The following PKIB variants were observed in gnomAD, a reference collection of about 807,000 sequenced individuals.
PKIB encodes the protein cAMP-dependent protein kinase inhibitor beta, also known as PKI-beta.
PKIB carries 2 observed loss-of-function variants against 4.5 expected under a neutral mutation model. The ratio of observed to expected loss-of-function variants is 0.44; its 90% CI spans 0.18 to 1.39. The LOEUF (loss-of-function observed/expected upper bound fraction) is 1.39. Among genes scored for constraint, PKIB ranks in the 40% most tolerant of loss-of-function variants. The pLI is 0.27. For missense variants in PKIB, 94 were observed against 92.6 expected (o/e 1.02, Z -0.06); for synonymous variants, 38 against 36.0 (o/e 1.06, Z -0.20).
chr6:122,636,513 A>G (rs1775923709), intron 2 of PKIB, among the ~76,000 whole-genome samples: 1 of 152,090 alleles, frequency 6.6e-6, no homozygotes, highest in Non-Finnish European at 1.5e-5. Flanking sequence ...AATAACATCT[A>G]TTGAGAAACA....
At chr6:122,689,209 A>T (rs1011226817) in intron 3 of PKIB, among the ~76,000 whole-genome samples, 4 of 152,018 alleles carry the variant, frequency 2.6e-5, no homozygotes, top group African/African-American at 9.7e-5. Context: ...TTTTTCTAAA[A>T]ACCGAATTTT....
At chr6:122,700,641 C>T (rs1469839961) in intron 3 of PKIB, among the ~76,000 whole-genome samples, 1 of 152,216 alleles carries the variant, frequency 6.6e-6, no homozygotes, top group Non-Finnish European at 1.5e-5. Flanking sequence ...CACTGCCCTA[C>T]CGTTTCTGTC....
At chr6:122,477,346 T>G (rs552283929) in intron 1 of PKIB, among the ~76,000 whole-genome samples, 1 of 152,314 alleles carries the variant, frequency 6.6e-6, no homozygotes, top group Admixed American at 6.5e-5. Context: ...TTTAGATATT[T>G]CAGATAAAGT....
intron 3 of PKIB, among the ~76,000 whole-genome samples, chr6:122,598,575 A>T (rs1774248047): frequency 6.6e-6 from 1 of 152,170 alleles, no homozygotes; most frequent in Non-Finnish European, 1.5e-5. Flanking sequence ...TGCTGCCCTC[A>T]CAAATTTATT....
At chr6:122,502,806 G>GT (rs762663865) in intron 2 of PKIB, among the ~76,000 whole-genome samples, 16 of 151,794 alleles carry the variant, frequency 1.1e-4, no homozygotes, top group East Asian at 1.9e-4. Context: ...TGTAGATCCT[G>GT]TTTTTTTTCT....
intron 2 of PKIB, among the ~76,000 whole-genome samples, chr6:122,571,925 C>T (rs568278422): frequency 1.3e-5 from 2 of 152,136 alleles, no homozygotes; most frequent in Non-Finnish European, 2.9e-5. Flanking sequence ...AAATGCTTCA[C>T]TTGAAAAGGT....
chr6:122,594,777 A>C (rs2566818), intron 3 of PKIB, among the ~76,000 whole-genome samples: 58,574 of 151,946 alleles, frequency 0.39, 11,821 homozygotes, highest in South Asian at 0.58. Context: ...GGGCTGTTGT[A>C]GTTTCCCATT....
At chr6:122,611,240 G>A (rs1774741040) in intron 1 of PKIB, among the ~76,000 whole-genome samples, 1 of 152,196 alleles carries the variant, frequency 6.6e-6, no homozygotes, top group African/African-American at 2.4e-5. Flanking sequence ...TCCTGAAGGT[G>A]CATTTCGGAG....
At chr6:122,514,385 A>G (rs1353097899) in intron 2 of PKIB, among the ~76,000 whole-genome samples, 3 of 152,186 alleles carry the variant, frequency 2.0e-5, no homozygotes, top group Non-Finnish European at 4.4e-5. Context: ...CAAATTCTCT[A>G]TGGTGGTACA....
chr6:122,550,651 C>G (rs781757325), intron 2 of PKIB, among the ~76,000 whole-genome samples: 31 of 152,134 alleles, frequency 2.0e-4, no homozygotes, highest in Admixed American at 5.2e-4. Context: ...CATCCCTTTT[C>G]TATTTGAATG....
intron 2 of PKIB, among the ~76,000 whole-genome samples, chr6:122,671,651 A>C (rs1180468485): frequency 6.6e-6 from 1 of 152,214 alleles, no homozygotes; most frequent in Non-Finnish European, 1.5e-5. Context: ...CATGAGGCTG[A>C]CTTATACAAG....
Position 122,667,066 on chromosome 6 carries a change from C to A in PKIB, c.-75-8012C>A, listed in dbSNP as rs530684796. On this transcript the variant is annotated intron_variant, in intron 2 of 4. Transcript: ENST00000368452. ...TTCCTCCCAGTGAGTTGGTATGTTC[C>A]TTTTTATATTTAACATAGTTTTCAT... Among the ~76,000 whole-genome samples, 235 of 152,188 alleles carry A rather than the reference C, an allele frequency of 1.5e-3. 2 individuals are homozygous for A. Among genetic ancestry groups the A allele is most frequent in the Non-Finnish European group, 2.7e-3 (185 of 68,004 alleles).
At chr6:122,515,032 G>T (rs1406923027) in intron 2 of PKIB, among the ~76,000 whole-genome samples, 2 of 152,164 alleles carry the variant, frequency 1.3e-5, no homozygotes, top group African/African-American at 2.4e-5. Flanking sequence ...TAAACTAACA[G>T]TAAAACTATT....
chr6:122,653,702 T>G (rs533909072), intron 2 of PKIB, among the ~76,000 whole-genome samples: 1 of 151,520 alleles, frequency 6.6e-6, no homozygotes, highest in Non-Finnish European at 1.5e-5. Context: ...GGCTCCCGCC[T>G]GTAATCCCAG....
chr6:122,549,389 G>A (rs1272863716), intron 2 of PKIB, among the ~76,000 whole-genome samples: 1 of 152,054 alleles, frequency 6.6e-6, no homozygotes, highest in East Asian at 1.9e-4. Flanking sequence ...AATTTCCCAT[G>A]CTACAATTTA....
rs370970426 is a variant in PKIB at position 122,602,533 on chromosome 6, T to C, written c.-161+16526T>C. 1.2e-4 allele frequency among the ~76,000 whole-genome samples: 19 copies of C among 152,280 alleles called. No individual in the cohort carries two copies. In the East Asian group the frequency reaches 2.3e-3, roughly 19 times the overall value. On this transcript the variant is annotated intron_variant, in intron 3 of 6. Coordinates refer to the PKIB transcript ENST00000392491. ...TTTGGATTAATGAGCTAATGTTAATTTTTATAGCTTTTCTAATTCCAGTAG... is the reference window on the plus strand; with the variant it reads ...TTTGGATTAATGAGCTAATGTTAATCTTTATAGCTTTTCTAATTCCAGTAG...
chr6:122,576,668 C>CAAAAAA lies in PKIB; in HGVS notation c.-247-9236_-247-9231dup, dbSNP rs71867898. 3.6e-3 allele frequency among the ~76,000 whole-genome samples: 43 copies of CAAAAAA among 12,014 alleles called. 7 individuals are homozygous for CAAAAAA. Among genetic ancestry groups the CAAAAAA allele is most frequent in the African/African-American group, 5.3e-3 (12 of 2,256 alleles). 7.9% of individuals were successfully genotyped at this position (12,014 alleles called of 152,430 possible). On this transcript the variant is annotated intron_variant, in intron 2 of 6. Coordinates refer to the PKIB transcript ENST00000392491. ...TGAGCGACAGAGCGAGACTCCATCT[C>CAAAAAA]AAAAAAAAAAAAAAAAAAAAAATAT...
At chr6:122,625,734 T>C (rs1000805750) in intron 1 of PKIB, among the ~76,000 whole-genome samples, 1 of 152,016 alleles carries the variant, frequency 6.6e-6, no homozygotes, top group African/African-American at 2.4e-5. Flanking sequence ...ACTGTCACAG[T>C]TGTAGAAATC....
chr6:122,577,156 G>T (rs1382579608), intron 2 of PKIB, among the ~76,000 whole-genome samples: 1 of 152,138 alleles, frequency 6.6e-6, no homozygotes, highest in Non-Finnish European at 1.5e-5. Context: ...GTACATAAAT[G>T]TTGGGGCCAC....
Sources: allele counts gnomAD v4.1 joint callset (sites outside exome capture counted in the v4.1 genomes callset), GRCh38; gene constraint gnomAD v4.1.1; transcripts MANE v1.5; gene names NCBI Gene and HGNC (gene_info 2026-07-23, HGNC 2026-07-21).